ANO7: variants seen among roughly 807,000 people sequenced by gnomAD.
ANO7 encodes the protein anoctamin 7.
A neutral mutation model predicts 115.8 loss-of-function variants in ANO7; 114 were observed. The ratio of observed to expected loss-of-function variants is 0.98; its 90% CI spans 0.85 to 1.15. The LOEUF (loss-of-function observed/expected upper bound fraction) is 1.15. ANO7 is among the 50% of genes most tolerant of loss of function. The pLI is 0.00. For missense variants in ANO7, 1,302 were observed against 1,201.2 expected (o/e 1.08, Z -1.24); for synonymous variants, 550 against 498.2 (o/e 1.10, Z -1.38).
At chr2:241,193,066 T>C (rs1365756529) in intron 3 of ANO7, among the ~76,000 whole-genome samples, 3 of 151,748 alleles carry the variant, frequency 2.0e-5, no homozygotes, top group African/African-American at 4.8e-5. Flanking sequence ...GGTTGGTTTT[T>C]TGTTTTTTGT....
In ANO7 at chr2:241,210,490, C is replaced by T. The variant is rs762345647; in HGVS notation, c.1481C>T (p.Thr494Met). 55 of 1,613,966 alleles carry T rather than the reference C, an allele frequency of 3.4e-5. No homozygotes were observed. Among genetic ancestry groups the T allele is most frequent in the Non-Finnish European group, 4.3e-5 (51 of 1,180,008 alleles). Residue 494 changes from threonine to methionine, a missense_variant, in exon 15 of 25, where the codon ACG (threonine) becomes ATG (methionine). Physicochemically the swap from Thr to Met is moderately conservative, Grantham distance 81 (BLOSUM62 -1). Transcript: ENST00000674324. ...AAWASRIASL[T>M]GSVVNLVFIL... ...TAGGCCTCTCGCATCGCCAGCCTCA[C>T]GGGGTCTGTAGTGAACCTCGTCTTC...
downstream of ANO7, among the ~76,000 whole-genome samples, chr2:241,226,391 C>T (rs1468965354): frequency 2.6e-5 from 4 of 152,024 alleles, no homozygotes; most frequent in Non-Finnish European, 2.9e-5. Context: ...TATTTAGGGC[C>T]CAACAGAACT....
the ANO7 span, among the ~76,000 whole-genome samples, chr2:241,231,521 C>G: frequency 6.6e-6 from 1 of 152,098 alleles, no homozygotes; most frequent in African/African-American, 2.4e-5. Flanking sequence ...AAAGGAGAGA[C>G]ACTAACAGGC....
chr2:241,205,409 A>C (rs2068568976), intron 10 of ANO7, among the ~76,000 whole-genome samples: 1 of 141,436 alleles, frequency 7.1e-6, no homozygotes, highest in African/African-American at 2.7e-5. Flanking sequence ...GGTAGCTAGG[A>C]CTGCTCTCAG....
chr2:241,216,829 TG>T, intron 19 of ANO7, among the ~76,000 whole-genome samples: 1 of 152,038 alleles, frequency 6.6e-6, no homozygotes, highest in Non-Finnish European at 1.5e-5. Flanking sequence ...GCAGTTTGTT[TG>T]TTTGTTTTTG....
intron 4 of ANO7, among the ~76,000 whole-genome samples, chr2:241,198,916 G>C (rs931377227): frequency 6.6e-6 from 1 of 152,230 alleles, no homozygotes; most frequent in African/African-American, 2.4e-5. Context: ...TACACCTGGT[G>C]ACCGATCAAA....
chr2:241,195,661 C>A, intron 3 of ANO7, 42 bp from the exon 4 acceptor site: 1 of 1,596,222 alleles, frequency 6.3e-7, no homozygotes, highest in Non-Finnish European at 8.6e-7. Context: ...CCGGCCACTG[C>A]CACTTAGCCA....
chr2:241,238,946 G>A, the ANO7 span, among the ~76,000 whole-genome samples: 2 of 152,250 alleles, frequency 1.3e-5, no homozygotes, highest in African/African-American at 4.8e-5. This position sits in a 1 kb window ranked among gnomAD's most constrained non-coding sequence, Gnocchi z 4.9. Flanking sequence ...GCGCAGGGAG[G>A]AGGGAGGTAG....
chr2:241,196,239 T>C, intron 4 of ANO7: 2 of 945,034 alleles, frequency 2.1e-6, no homozygotes, highest in African/African-American at 1.7e-5. Flanking sequence ...ATGTTTGCTT[T>C]CGGTGATAAT....
chr2:241,226,447 T>TG (rs1471344677), downstream of ANO7, among the ~76,000 whole-genome samples: 2 of 151,322 alleles, frequency 1.3e-5, no homozygotes, highest in Non-Finnish European at 3.0e-5. Context: ...TTTTTTGAGA[T>TG]GGAGTCTCGC....
At chr2:241,236,519 T>C in the ANO7 span, 3 of 1,283,164 alleles carry the variant, frequency 2.3e-6, no homozygotes, top group African/African-American at 4.4e-5. Flanking sequence ...CCACTGCCGC[T>C]TGGGCAACCG....
intron 3 of ANO7, among the ~76,000 whole-genome samples, chr2:241,192,198 G>A: frequency 6.6e-6 from 1 of 152,220 alleles, no homozygotes; most frequent in Non-Finnish European, 1.5e-5. Flanking sequence ...GGTGGCACAT[G>A]CCTGTAATTC....
intron 19 of ANO7, among the ~76,000 whole-genome samples, chr2:241,217,464 A>C (rs551135621): frequency 7.5e-4 from 115 of 152,390 alleles, no homozygotes; most frequent in African/African-American, 2.7e-3. Context: ...GTGACCAGCC[A>C]GAAGCACGGA....
At chr2:241,208,832 C>A (rs1346587150) in intron 11 of ANO7, among the ~76,000 whole-genome samples, 1 of 152,210 alleles carries the variant, frequency 6.6e-6, no homozygotes, top group East Asian at 1.9e-4. Flanking sequence ...AATTCCTCTC[C>A]CTCTGTGGGT....
intron 17 of ANO7, among the ~76,000 whole-genome samples, chr2:241,214,448 G>A (rs1207463763): frequency 6.6e-6 from 1 of 152,172 alleles, no homozygotes; most frequent in Admixed American, 6.5e-5. Flanking sequence ...CCTCCCACTG[G>A]CTCGAACTGG....
Position 241,223,904 on chromosome 2 carries a change from G to C in ANO7, c.2533-1G>C. 1 of 1,614,052 alleles carries C rather than the reference G, an allele frequency of 6.2e-7. No individual in the cohort carries two copies. Among genetic ancestry groups the C allele is most frequent in the Non-Finnish European group, 8.5e-7 (1 of 1,180,000 alleles). The stretch of plus-strand genomic sequence containing the variant: ...CTCTTGCTGCCCTTTTTTGGGGACA[G>C]GTTCTTTTTGGAACGAACGGAACAA... On this transcript the variant is annotated splice_acceptor_variant, in intron 23 of 24. Coordinates refer to ENST00000674324, the MANE Select transcript of ANO7 (RefSeq NM_001370694.2). LOFTEE classifies it high-confidence loss of function.
intron 15 of ANO7, among the ~76,000 whole-genome samples, chr2:241,210,851 TAG>T (rs1358215624): frequency 6.8e-6 from 1 of 147,446 alleles, no homozygotes; most frequent in East Asian, 1.9e-4. Flanking sequence ...TTTTTTTTGA[TAG>T]AGACAGGGGT....
the ANO7 span, chr2:241,239,659 G>A: frequency 1.7e-5 from 27 of 1,614,174 alleles, no homozygotes; most frequent in East Asian, 1.3e-4. This position sits in a 1 kb window ranked among gnomAD's most constrained non-coding sequence, Gnocchi z 4.6. Context: ...AGTCCTTGGC[G>A]CCCTTGAGGG....
intron 4 of ANO7, among the ~76,000 whole-genome samples, chr2:241,198,544 C>T (rs370629278): frequency 1.2e-4 from 19 of 152,136 alleles, no homozygotes; most frequent in South Asian, 4.1e-4. Flanking sequence ...GCCTGGTCTG[C>T]GGTCTGCAGG....
Sources: allele counts gnomAD v4.1 joint callset (sites outside exome capture counted in the v4.1 genomes callset), GRCh38; gene constraint gnomAD v4.1.1; non-coding constraint Gnocchi (gnomAD v3.1); transcripts MANE v1.5; gene names NCBI Gene and HGNC (gene_info 2026-07-23, HGNC 2026-07-21).